The following WASF3 variants were observed in gnomAD, a reference collection of about 807,000 sequenced individuals.
WASF3 encodes actin-binding protein WASF3.
WASF3 carries 11 observed loss-of-function variants against 46.6 expected under a neutral mutation model. That is an observed-to-expected ratio of 0.24 (90% confidence interval 0.15 to 0.39). WASF3 has a LOEUF of 0.39. WASF3 is among the 10% of genes least tolerant of loss of function. The probability of loss-of-function intolerance (pLI) is 1.00; values close to 1 mark genes in which losing one functional copy is unlikely to be tolerated. For synonymous variants in WASF3, 242 were observed against 259.7 expected (o/e 0.93, Z 0.65); for missense variants, 576 against 669.8 (o/e 0.86, Z 1.55).
intron 3 of WASF3, among the ~76,000 whole-genome samples, chr13:26,648,980 A>T (rs1029971298): frequency 2.6e-5 from 4 of 152,204 alleles, no homozygotes; most frequent in African/African-American, 9.7e-5. Context: ...CTTCCTCCAT[A>T]TGGATTTTAA....
intron 1 of WASF3, among the ~76,000 whole-genome samples, chr13:26,587,489 C>G (rs1177995648): frequency 6.6e-6 from 1 of 152,048 alleles, no homozygotes; most frequent in Non-Finnish European, 1.5e-5. Context: ...TTTCAGAGTT[C>G]TCTAAAAACA....
rs1883280610 is a variant in WASF3 at position 26,682,847 on chromosome 13, T to G, written c.1224T>G (p.Pro408=). The G allele has an allele frequency of 6.2e-7, 1 of 1,605,872 alleles. No individual in the cohort carries two copies. The highest frequency in any genetic ancestry group is 1.7e-5 in the Admixed American group (1 of 59,534). The part of the protein sequence containing the change: ...PGPPPPPPGP[P]GPGSSLSSSP... ...CACCACCTCCCCCGCCAGGCCCTCCTGGTCCCGGGTCTTCTCTTTCGTCCT... is the reference window on the plus strand; with the variant it reads ...CACCACCTCCCCCGCCAGGCCCTCCGGGTCCCGGGTCTTCTCTTTCGTCCT... Residue 408 remains proline, a synonymous_variant, in exon 9 of 10, where the codon CCT becomes CCG. Coordinates refer to ENST00000335327, the MANE Select transcript of WASF3 (RefSeq NM_006646.6). The surrounding 1 kb of genome is among the most constrained non-coding windows in gnomAD (Gnocchi z 4.4).
At chr13:26,589,193 C>A (rs1335033981) in intron 1 of WASF3, among the ~76,000 whole-genome samples, 1 of 152,124 alleles carries the variant, frequency 6.6e-6, no homozygotes, top group Admixed American at 6.5e-5. Context: ...TGTTTTTGTT[C>A]AACCAAATAG....
chr13:26,682,703 C>G lies in WASF3; in HGVS notation c.1080C>G (p.Val360=), dbSNP rs748375542. Residue 360 remains valine (V), a synonymous_variant, in exon 9 of 10, where the codon GTC becomes GTG. Transcript: ENST00000335327. The surrounding 1 kb of genome is among the most constrained non-coding windows in gnomAD (Gnocchi z 4.4). ...PVIPSAQTAF[V]SPLQMPMQPP... is the part of the protein sequence containing the mutation. ...TTCCCTCAGCACAAACTGCCTTCGT[C>G]AGCCCTCTCCAGATGCCCATGCAGC... The G allele has an allele frequency of 6.2e-7, 1 of 1,614,132 alleles. No homozygotes were observed. The highest frequency in any genetic ancestry group is 8.5e-7 in the Non-Finnish European group (1 of 1,180,034).
chr13:26,566,197 TTAGA>T (rs1243993993), intron 1 of WASF3, among the ~76,000 whole-genome samples: 16 of 152,218 alleles, frequency 1.1e-4, no homozygotes, highest in East Asian at 3.8e-4. Flanking sequence ...GTTACATAAC[TTAGA>T]TAAACTGTGT....
chr13:26,541,534 A>T, the WASF3 span, among the ~76,000 whole-genome samples: 58,818 of 151,678 alleles, frequency 0.39, 11,650 homozygotes, highest in South Asian at 0.49. Flanking sequence ...AAGCAGTGTT[A>T]GTTATTATAG....
chr13:26,636,183 G>T (rs910821814), intron 2 of WASF3, among the ~76,000 whole-genome samples: 1 of 152,182 alleles, frequency 6.6e-6, no homozygotes. Context: ...CAAGCTTCCC[G>T]GCTGCTTTGT....
intron 2 of WASF3, among the ~76,000 whole-genome samples, chr13:26,631,736 G>T (rs1242550525): frequency 1.3e-5 from 2 of 152,126 alleles, no homozygotes; most frequent in South Asian, 2.1e-4. Context: ...GATGGGGATG[G>T]CATTGAATCT....
At chr13:26,623,140 G>A (rs1881359147) in intron 2 of WASF3, among the ~76,000 whole-genome samples, 1 of 152,172 alleles carries the variant, frequency 6.6e-6, no homozygotes, top group Non-Finnish European at 1.5e-5. Flanking sequence ...ATGGGCTAAT[G>A]CATCAGTTTA....
chr13:26,575,625 A>G (rs480344), intron 1 of WASF3, among the ~76,000 whole-genome samples: 150,483 of 152,334 alleles, frequency 0.99, 74,352 homozygotes, highest in East Asian at 1. Flanking sequence ...TAAGTATTTT[A>G]TGAGTTCTTG....
chr13:26,622,460 T>C (rs1881335812), intron 2 of WASF3, among the ~76,000 whole-genome samples: 1 of 152,256 alleles, frequency 6.6e-6, no homozygotes, highest in South Asian at 2.1e-4. Context: ...GGCTTCAGTT[T>C]ATTTGCCCCA....
intron 1 of WASF3, among the ~76,000 whole-genome samples, chr13:26,595,875 AGTTG>A (rs2137191908): frequency 6.6e-6 from 1 of 152,318 alleles, no homozygotes; most frequent in African/African-American, 2.4e-5. Flanking sequence ...GATATACCAG[AGTTG>A]GTTCAACAAT....
Position 26,557,838 on chromosome 13 carries a change from C to A in WASF3, c.-109+19C>A. 6.6e-6 allele frequency: 2 copies of A among 304,304 alleles called. No homozygotes were observed. The highest frequency in any genetic ancestry group is 1.2e-5 in the Non-Finnish European group (2 of 165,964). 18.9% of individuals were successfully genotyped at this position (304,304 alleles called of 1,614,324 possible). ...CGGACCGGTGAGTGAGGGCTGCGGT[C>A]GCCCCGGCTCTCCGCTGTAGGCTGC... On this transcript the variant is annotated intron_variant, in intron 1 of 9. Transcript: ENST00000335327.
chr13:26,678,882 G>A (rs942499269), intron 7 of WASF3, among the ~76,000 whole-genome samples: 3 of 152,098 alleles, frequency 2.0e-5, no homozygotes, highest in Non-Finnish European at 2.9e-5. Context: ...GGGATATATC[G>A]ACCTCTCACA....
At chr13:26,566,885 G>C (rs999494893) in intron 1 of WASF3, among the ~76,000 whole-genome samples, 3 of 152,172 alleles carry the variant, frequency 2.0e-5, no homozygotes, top group Admixed American at 2.0e-4. Context: ...TGAGCATCCT[G>C]GTGGCCACAG....
chr13:26,681,759 C>T (rs1883237819), intron 8 of WASF3, among the ~76,000 whole-genome samples: 1 of 152,130 alleles, frequency 6.6e-6, no homozygotes, highest in Non-Finnish European at 1.5e-5. Flanking sequence ...CTTTCGTGAC[C>T]TCTGACCACC....
intron 1 of WASF3, among the ~76,000 whole-genome samples, chr13:26,574,525 C>T (rs952994283): frequency 6.6e-6 from 1 of 151,560 alleles, no homozygotes; most frequent in Non-Finnish European, 1.5e-5. Context: ...TATTTTTAGC[C>T]TTTTTGAATC....
At chr13:26,654,009 C>T (rs1430243241) in intron 3 of WASF3, among the ~76,000 whole-genome samples, 3 of 152,112 alleles carry the variant, frequency 2.0e-5, no homozygotes, top group East Asian at 3.9e-4. Flanking sequence ...ACATCCAGTC[C>T]AATAGTGAAA....
intron 3 of WASF3, among the ~76,000 whole-genome samples, chr13:26,657,691 A>G (rs1882507881): frequency 6.6e-6 from 1 of 152,218 alleles, no homozygotes; most frequent in South Asian, 2.1e-4. Flanking sequence ...AATAAATTGC[A>G]TTTACCTCAA....
Sources: allele counts gnomAD v4.1 joint callset (sites outside exome capture counted in the v4.1 genomes callset), GRCh38; gene constraint gnomAD v4.1.1; non-coding constraint Gnocchi (gnomAD v3.1); transcripts MANE v1.5; gene names NCBI Gene and HGNC (gene_info 2026-07-23, HGNC 2026-07-21).